NINL: variants seen among roughly 807,000 people sequenced by gnomAD.
NINL encodes the protein ninein like.
In NINL, 153 loss-of-function variants were observed where a neutral mutation model predicts 160.3. That is an observed-to-expected ratio of 0.95 (90% CI 0.84 to 1.09). NINL has a LOEUF of 1.09. Among genes scored for constraint, NINL ranks in the 50% least tolerant of loss-of-function variants. The pLI, the probability that NINL is intolerant of heterozygous loss-of-function variation, is 0.00. For missense variants in NINL, 1,829 were observed against 1,764.0 expected (o/e 1.04, Z -0.66); for synonymous variants, 800 against 734.8 (o/e 1.09, Z -1.43).
chr20:25,523,891 G>T (rs548647204), intron 2 of NINL, among the ~76,000 whole-genome samples: 165 of 152,240 alleles, frequency 1.1e-3, no homozygotes, highest in Non-Finnish European at 1.8e-3. Flanking sequence ...CACCTGCCTT[G>T]GCCTCCCAAA....
At chr20:25,489,198 C>T in intron 13 of NINL, 46 bp downstream of exon 13, 1 of 1,577,394 alleles carries the variant, frequency 6.3e-7, no homozygotes, top group Middle Eastern at 1.7e-4. Context: ...TGTGGAGACC[C>T]AGAGCCTGGA....
At chr20:25,510,611 C>T in intron 5 of NINL, 63 bp downstream of exon 5, 4 of 1,427,186 alleles carry the variant, frequency 2.8e-6, no homozygotes, top group Non-Finnish European at 4.0e-6. Flanking sequence ...AATGACCCGG[C>T]TGTTCAGCTT....
intron 21 of NINL, among the ~76,000 whole-genome samples, chr20:25,459,432 C>A (rs553941431): frequency 1.3e-5 from 2 of 152,306 alleles, no homozygotes; most frequent in East Asian, 1.9e-4. Context: ...CACACCTGCA[C>A]CCCACATTTT....
At chr20:25,562,938 C>T (rs539926297) in intron 1 of NINL, among the ~76,000 whole-genome samples, 9 of 152,252 alleles carry the variant, frequency 5.9e-5, no homozygotes, top group African/African-American at 1.9e-4. Flanking sequence ...GAGGCTAAGG[C>T]GGGCAGATCA....
At chr20:25,499,356 G>A (rs2063822624) in intron 8 of NINL, 3 of 473,510 alleles carry the variant, frequency 6.3e-6, no homozygotes, top group South Asian at 8.9e-5. Flanking sequence ...ATCATGAAGC[G>A]AGGGAGAAGC....
In NINL at chr20:25,570,764, G is replaced by A. The variant is rs541127269; in HGVS notation, c.-12+14691C>T. On this transcript the variant is annotated intron_variant, in intron 1 of 23. Coordinates refer to ENST00000278886, the MANE Select transcript of NINL (RefSeq NM_025176.6). The stretch of plus-strand genomic sequence containing the variant: ...GTCACACAGGCTGGAGTGCAGTGGC[G>A]CAATCTCAGCTCACTGCAACCTCCA... Among the ~76,000 whole-genome samples the A allele has an allele frequency of 4.5e-5, 6 of 133,534 alleles. 1 individual carries two copies. Among genetic ancestry groups the A allele is most frequent in the African/African-American group, 8.5e-5 (3 of 35,360 alleles). 87.6% of individuals were successfully genotyped at this position (133,534 alleles called of 152,430 possible). A position where few individuals can be genotyped will look rare whatever the true frequency, so the allele number is the denominator to read the frequency against.
chr20:25,519,053 C>T (rs980385584), intron 2 of NINL, among the ~76,000 whole-genome samples: 8 of 148,056 alleles, frequency 5.4e-5, no homozygotes, highest in Non-Finnish European at 7.4e-5. Flanking sequence ...GCCGAGATAG[C>T]GCCATTGCAC....
chr20:25,496,853 C>T, intron 9 of NINL, 50 bp from the exon 10 acceptor site: 1 of 1,599,706 alleles, frequency 6.3e-7, no homozygotes, highest in Non-Finnish European at 8.5e-7. Context: ...GCTGGCCTGA[C>T]CCGCCATGCC....
intron 3 of NINL, among the ~76,000 whole-genome samples, chr20:25,515,784 T>G (rs2064150190): frequency 6.6e-6 from 1 of 152,074 alleles, no homozygotes; most frequent in African/African-American, 2.4e-5. Context: ...TTGTTTTGTT[T>G]TTTTGAGACA....
chr20:25,476,353 C>T lies in NINL; in HGVS notation c.2938G>A (p.Glu980Lys), dbSNP rs568734733. Reference protein sequence around the residue: ...GQAERLQAIQEERARSWSRGT... With the variant: ...GQAERLQAIQKERARSWSRGT... ...CTGCTCCAGCTTCGTGCTCGCTCTT[C>T]CTGAATGGCCTGTAGCCTCTCAGCC... Residue 980 changes from glutamate to lysine, a missense_variant, in exon 17 of 24, where the codon GAA (glutamate) becomes AAA (lysine). Glu to Lys is a moderately conservative substitution (Grantham distance 56, BLOSUM62 1). Coordinates refer to ENST00000278886, the MANE Select transcript of NINL (RefSeq NM_025176.6). 1.2e-6 allele frequency: 2 copies of T among 1,612,238 alleles called. No individual in the cohort carries two copies. Among genetic ancestry groups the T allele is most frequent in the African/African-American group, 1.3e-5 (1 of 75,070 alleles).
chr20:25,493,622 G>A (rs928613255), intron 10 of NINL, among the ~76,000 whole-genome samples: 2 of 152,120 alleles, frequency 1.3e-5, no homozygotes, highest in Admixed American at 1.3e-4. Flanking sequence ...ACAAAGTCAA[G>A]GTCACCTCCC....
intron 1 of NINL, among the ~76,000 whole-genome samples, chr20:25,530,017 G>A (rs940499608): frequency 2.6e-5 from 4 of 152,272 alleles, no homozygotes; most frequent in South Asian, 2.1e-4. Context: ...GCCCTTTCCC[G>A]TGTCTCCAAG....
chr20:25,469,042 C>T (rs1256184910), intron 18 of NINL, among the ~76,000 whole-genome samples: 65 of 140,546 alleles, frequency 4.6e-4, no homozygotes, highest in African/African-American at 1.7e-3. Flanking sequence ...TGCCCCACTG[C>T]CCTGTCCCCC....
chr20:25,511,278 G>A (rs193202349), intron 4 of NINL, among the ~76,000 whole-genome samples: 7 of 152,280 alleles, frequency 4.6e-5, no homozygotes, highest in Admixed American at 1.3e-4. Flanking sequence ...CAAGGGCTCC[G>A]GGATAGCACA....
At chr20:25,490,401 A>G (rs1277819609) in intron 11 of NINL, among the ~76,000 whole-genome samples, 1 of 152,064 alleles carries the variant, frequency 6.6e-6, no homozygotes, top group Non-Finnish European at 1.5e-5. Flanking sequence ...TCTACTAAAA[A>G]TACAAAAAAT....
chr20:25,553,121 T>TTTTTTTG (rs1600330984), intron 1 of NINL, among the ~76,000 whole-genome samples: 2 of 148,916 alleles, frequency 1.3e-5, no homozygotes, highest in Non-Finnish European at 1.5e-5. Flanking sequence ...TTTTTTTTTT[T>TTTTTTTG]GGAGATGGGG....
intron 1 of NINL, among the ~76,000 whole-genome samples, chr20:25,577,078 T>C (rs1185423558): frequency 6.6e-6 from 1 of 152,186 alleles, no homozygotes; most frequent in East Asian, 1.9e-4. Flanking sequence ...GTTCCGAAAT[T>C]GGGCATCCAC....
At chr20:25,490,765 G>A (rs1240130381) in intron 11 of NINL, among the ~76,000 whole-genome samples, 2 of 152,078 alleles carry the variant, frequency 1.3e-5, no homozygotes, top group African/African-American at 4.8e-5. Flanking sequence ...CAAGGCTGTT[G>A]GGGGGCTCAG....
chr20:25,453,431 T>C lies in NINL; in HGVS notation c.*20A>G. 1.3e-6 allele frequency: 2 copies of C among 1,571,134 alleles called. No homozygotes were observed. The highest frequency in any genetic ancestry group is 1.7e-6 in the Non-Finnish European group (2 of 1,156,254). On this transcript the variant is annotated 3_prime_UTR_variant, in exon 24 of 24. Transcript: ENST00000278886. ...TTTAAAAGATGTGCTTTCGAATGAA[T>C]CCTAGAAAATAATCTGTCTTTACAC...
Sources: allele counts gnomAD v4.1 joint callset (sites outside exome capture counted in the v4.1 genomes callset), GRCh38; gene constraint gnomAD v4.1.1; transcripts MANE v1.5; gene names NCBI Gene and HGNC (gene_info 2026-07-23, HGNC 2026-07-21).